Variants in VPS13A observed in about 807,000 individuals in gnomAD.
VPS13A encodes intermembrane lipid transfer protein VPS13A.
Under a neutral mutation model 390.9 loss-of-function variants are expected in VPS13A, and 264 were observed. The observed-to-expected ratio is 0.68, with a 90% CI of 0.61 to 0.75. The LOEUF is 0.75. VPS13A is among the 30% of genes least tolerant of loss of function. The pLI, the probability that VPS13A is intolerant of heterozygous loss-of-function variation, is 0.00. For missense variants in VPS13A, 3,409 were observed against 3,733.9 expected (o/e 0.91, Z 2.27); for synonymous variants, 1,231 against 1,227.1 (o/e 1.00, Z -0.07).
In VPS13A at chr9:77,325,401, G is replaced by GTT. The variant is rs566722890; in HGVS notation, c.5991+2191_5991+2192dup. 9.2e-3 allele frequency among the ~76,000 whole-genome samples: 1,132 copies of GTT among 123,396 alleles called. 15 individuals are homozygous for GTT. The highest frequency in any genetic ancestry group is 0.029 in the African/African-American group (995 of 34,324). The allele number at this position is 123,396 out of a possible 152,430, so 81.0% of individuals were successfully genotyped here. A position where few individuals can be genotyped will look rare whatever the true frequency, so the allele number is the denominator to read the frequency against. On this transcript the variant is annotated intron_variant, in intron 45 of 71. Transcript: ENST00000360280. Reference sequence around the variant, plus strand: ...TGTAGCCACCATGTAGTTAGACCTTGTTTTTTTTTTTTTTTTTTAACATAA... The same window carrying GTT: ...TGTAGCCACCATGTAGTTAGACCTTGTTTTTTTTTTTTTTTTTTTTAACATAA...
chr9:77,334,355 T>A (rs1223818909), intron 46 of VPS13A, among the ~76,000 whole-genome samples: 1 of 152,182 alleles, frequency 6.6e-6, no homozygotes, highest in East Asian at 1.9e-4. Flanking sequence ...TGATGTTCTG[T>A]TTCAAGACCA....
intron 22 of VPS13A, among the ~76,000 whole-genome samples, chr9:77,255,705 A>AT (rs1416098718): frequency 6.6e-6 from 1 of 152,038 alleles, no homozygotes; most frequent in Non-Finnish European, 1.5e-5. Flanking sequence ...GTTTATCCAG[A>AT]TTTTGTTTCT....
intron 68 of VPS13A, among the ~76,000 whole-genome samples, chr9:77,396,727 A>C (rs1303438475): frequency 6.6e-6 from 1 of 152,206 alleles, no homozygotes; most frequent in Non-Finnish European, 1.5e-5. Flanking sequence ...AGTTTTCTCT[A>C]AAGATAAGAT....
chr9:77,314,167 A>G (rs755290391), intron 36 of VPS13A, 48 bp downstream of exon 36: 3 of 1,602,884 alleles, frequency 1.9e-6, no homozygotes, highest in African/African-American at 1.3e-5. Context: ...TGAAATTTGC[A>G]TAGGTTGATG....
At chr9:77,385,667 A>G (rs550110455) in intron 68 of VPS13A, among the ~76,000 whole-genome samples, 2 of 152,154 alleles carry the variant, frequency 1.3e-5, no homozygotes, top group African/African-American at 2.4e-5. Flanking sequence ...TCTAAAAAGT[A>G]TATGATCTTT....
chr9:77,283,008 G>C (rs1340853514), intron 29 of VPS13A, among the ~76,000 whole-genome samples: 1 of 151,492 alleles, frequency 6.6e-6, no homozygotes, highest in Non-Finnish European at 1.5e-5. Context: ...TCAGAGTATA[G>C]TACTTTCGAA....
At chr9:77,297,500 A>G (rs976863838) in intron 33 of VPS13A, among the ~76,000 whole-genome samples, 2 of 151,070 alleles carry the variant, frequency 1.3e-5, no homozygotes, top group African/African-American at 4.9e-5. Flanking sequence ...TTTTTTTCCA[A>G]CTCTTTGGAA....
Position 77,191,936 on chromosome 9 carries a change from T to A in VPS13A, c.101-8009T>A, listed in dbSNP as rs562829913. The stretch of plus-strand genomic sequence containing the variant: ...TTGACTTTAGGTCTGTCTAATACTG[T>A]CAGTGGGTTTTTGAAGTCTCCCACT... On this transcript the variant is annotated intron_variant, in intron 1 of 71. Transcript: ENST00000360280. 2.0e-5 allele frequency among the ~76,000 whole-genome samples: 3 copies of A among 152,284 alleles called. No individual in the cohort carries two copies. In the South Asian group the frequency reaches 6.2e-4, roughly 32 times the overall value.
At chr9:77,356,051 T>G (rs1419153395) in intron 54 of VPS13A, among the ~76,000 whole-genome samples, 1 of 152,244 alleles carries the variant, frequency 6.6e-6, no homozygotes, top group East Asian at 1.9e-4. Flanking sequence ...CTCATCTCAC[T>G]CAGAATAAAA....
At chr9:77,311,547 G>C (rs1829078256) in intron 35 of VPS13A, among the ~76,000 whole-genome samples, 1 of 151,984 alleles carries the variant, frequency 6.6e-6, no homozygotes, top group Non-Finnish European at 1.5e-5. Flanking sequence ...TCCTAAATGT[G>C]TGTATACCTA....
At chr9:77,395,323 C>T (rs1449825281) in intron 68 of VPS13A, among the ~76,000 whole-genome samples, 2 of 152,084 alleles carry the variant, frequency 1.3e-5, no homozygotes, top group African/African-American at 2.4e-5. Context: ...ATTTGGGAAA[C>T]GTCCAATCAG....
intron 45 of VPS13A, among the ~76,000 whole-genome samples, chr9:77,325,795 C>T (rs955383950): frequency 1.3e-5 from 2 of 152,120 alleles, no homozygotes; most frequent in African/African-American, 4.8e-5. Flanking sequence ...CTCCCACATT[C>T]GTATAATTAT....
rs938327612 is a variant in VPS13A at position 77,227,691 on chromosome 9, G to T, written c.1452+206G>T. 2.4e-4 allele frequency among the ~76,000 whole-genome samples: 34 copies of T among 143,260 alleles called. 1 individual carries two copies. The highest frequency in any genetic ancestry group is 3.5e-3 in the Middle Eastern group (1 of 284). The allele number at this position is 143,260 out of a possible 152,430, so 94.0% of individuals were successfully genotyped here. On this transcript the variant is annotated intron_variant, in intron 16 of 71. Coordinates refer to ENST00000360280, the MANE Select transcript of VPS13A (RefSeq NM_033305.3). ...ACCCTCATGCTAGCTAATTTTTGTG[G>T]TTTTTTTTTTGTTTTTTTTTTTTGA...
chr9:77,349,041 A>T (rs1192361041), intron 52 of VPS13A, among the ~76,000 whole-genome samples: 1 of 152,032 alleles, frequency 6.6e-6, no homozygotes, highest in Non-Finnish European at 1.5e-5. Flanking sequence ...CTTGGCTTTT[A>T]AAAAAATATG....
chr9:77,321,691 T>C lies in VPS13A; in HGVS notation c.5775T>C (p.Asn1925=), dbSNP rs772821076. 6.2e-6 allele frequency: 10 copies of C among 1,613,206 alleles called. No individual in the cohort carries two copies. Among genetic ancestry groups the C allele is most frequent in the East Asian group, 2.2e-5 (1 of 44,836 alleles). ...TGGATTATATCCGAACCAAGGACAA[T>C]GATCATTTCAATGCAATGACCAGCC... is the stretch of plus-strand genomic sequence containing the variant. ...LSMDYIRTKD[N]DHFNAMTSLS... is the part of the protein sequence containing the mutation. Residue 1925 remains asparagine (N), a synonymous_variant, in exon 44 of 72, where the codon AAT becomes AAC. Transcript: ENST00000360280.
chr9:77,304,432 T>C (rs1187173980), intron 34 of VPS13A, among the ~76,000 whole-genome samples: 1 of 152,158 alleles, frequency 6.6e-6, no homozygotes, highest in African/African-American at 2.4e-5. Context: ...AACAGTCTGA[T>C]CTCTCTTTCT....
At chr9:77,209,558 G>A (rs1212275558) in intron 6 of VPS13A, 26 bp downstream of exon 6, 1 of 1,389,080 alleles carries the variant, frequency 7.2e-7, no homozygotes, top group African/African-American at 1.4e-5. Context: ...TGTGATATTT[G>A]TTTTTATATT....
rs759600403 is a variant in VPS13A at position 77,238,278 on chromosome 9, G to A, written c.1792G>A (p.Val598Met). The A allele has an allele frequency of 2.5e-6, 4 of 1,613,454 alleles. No homozygotes were observed. In the South Asian group the frequency reaches 3.3e-5, roughly 13 times the overall value. Residue 598 changes from valine (V) to methionine (M), a missense_variant, in exon 19 of 72, where the codon GTG becomes ATG. Around this residue, in one of 5 missense-constraint regions of VPS13A, gnomAD observed 2,717 missense variants for 2,917.4 expected, o/e 0.93. Transcript: ENST00000360280. ...PLEIIYDARTVNSIVEFFRPP... is the reference protein window; with the variant it reads ...PLEIIYDARTMNSIVEFFRPP... ...ATGATGTTTATTTTAACAGAGGACA[G>A]TGAATAGTATAGTGGAATTCTTCAG...
chr9:77,363,306 A>G (rs1832242366), intron 59 of VPS13A, among the ~76,000 whole-genome samples: 2 of 146,146 alleles, frequency 1.4e-5, no homozygotes, highest in South Asian at 2.2e-4. Flanking sequence ...TCATGATTAT[A>G]TATTTTGTCA....
Sources: allele counts gnomAD v4.1 joint callset (sites outside exome capture counted in the v4.1 genomes callset), GRCh38; gene constraint gnomAD v4.1.1; regional missense constraint gnomAD v4.1.1; transcripts MANE v1.5; gene names NCBI Gene and HGNC (gene_info 2026-07-23, HGNC 2026-07-21).